The following CADPS variants were observed in gnomAD, a reference collection of about 807,000 sequenced individuals.
The protein encoded by CADPS is calcium dependent secretion activator, also known as calcium-dependent secretion activator 1.
In CADPS, 57 loss-of-function variants were observed where a neutral mutation model predicts 167.3. That is an observed-to-expected ratio of 0.34 (90% CI 0.28 to 0.42). The LOEUF (loss-of-function observed/expected upper bound fraction) is 0.42, where lower values mean the gene tolerates loss of function less well. CADPS is among the 20% of genes least tolerant of loss of function. The probability of loss-of-function intolerance (pLI) is 1.00; values close to 1 mark genes in which losing one functional copy is unlikely to be tolerated. For synonymous variants in CADPS, 676 were observed against 635.3 expected (o/e 1.06, Z -0.96); for missense variants, 1,414 against 1,738.1 (o/e 0.81, Z 3.32).
At chr3:62,815,861 GAAGGA>G (rs2094588397) in intron 1 of CADPS, among the ~76,000 whole-genome samples, 1 of 152,114 alleles carries the variant, frequency 6.6e-6, no homozygotes, top group Non-Finnish European at 1.5e-5. Context: ...TTACTTAAAA[GAAGGA>G]AAGATGAGTA....
chr3:62,798,884 G>A (rs1396491806), intron 1 of CADPS, among the ~76,000 whole-genome samples: 7 of 152,168 alleles, frequency 4.6e-5, no homozygotes, highest in Admixed American at 4.6e-4. Context: ...AAGAATGAAT[G>A]ACCTGTATTG....
intron 4 of CADPS, among the ~76,000 whole-genome samples, chr3:62,656,984 C>T (rs1195480770): frequency 1.3e-5 from 2 of 152,148 alleles, no homozygotes; most frequent in Non-Finnish European, 2.9e-5. Context: ...TCCCTGCACA[C>T]ACATTTTGTT....
intron 28 of CADPS, among the ~76,000 whole-genome samples, chr3:62,431,320 G>A (rs992325753): frequency 6.6e-6 from 1 of 152,004 alleles, no homozygotes; most frequent in Non-Finnish European, 1.5e-5. Context: ...CCTTATTCCA[G>A]TAGTTAAAAT....
chr3:62,440,495 T>TTC (rs2056091598), intron 27 of CADPS: 2 of 128,496 alleles, frequency 1.6e-5, no homozygotes, highest in Admixed American at 8.1e-5. Context: ...TTACTATGAT[T>TTC]CCCCCCCCCC....
intron 11 of CADPS, among the ~76,000 whole-genome samples, chr3:62,542,176 G>T (rs1027124055): frequency 6.6e-6 from 1 of 152,120 alleles, no homozygotes; most frequent in Non-Finnish European, 1.5e-5. Flanking sequence ...ATAAGCTAGA[G>T]GTAGCTGTTT....
Position 62,501,013 on chromosome 3 carries a change from G to C in CADPS, c.2600-1745C>G, listed in dbSNP as rs140134848. On this transcript the variant is annotated intron_variant, in intron 17 of 29. Coordinates refer to ENST00000383710, the MANE Select transcript of CADPS (RefSeq NM_003716.4). ...AAAGTCTCAGTCTAACAGGGCCTGA[G>C]GGCTAGTGTGAAAATGGGCTTCCTG... 2.3e-3 allele frequency among the ~76,000 whole-genome samples: 352 copies of C among 152,286 alleles called. 1 individual carries two copies. Among genetic ancestry groups the C allele is most frequent in the African/African-American group, 7.8e-3 (324 of 41,556 alleles).
chr3:62,517,069 A>G (rs1184590860), intron 14 of CADPS, among the ~76,000 whole-genome samples: 3 of 152,206 alleles, frequency 2.0e-5, no homozygotes, highest in Non-Finnish European at 4.4e-5. Flanking sequence ...AAGTGGATTT[A>G]GAGCAAATTC....
chr3:62,637,639 C>G (rs112261873), intron 6 of CADPS, among the ~76,000 whole-genome samples: 3 of 152,238 alleles, frequency 2.0e-5, no homozygotes, highest in African/African-American at 4.8e-5. Flanking sequence ...AGGAAATGCA[C>G]GCTTTTAGAT....
intron 3 of CADPS, among the ~76,000 whole-genome samples, chr3:62,682,155 C>G (rs2077241020): frequency 6.6e-6 from 1 of 152,026 alleles, no homozygotes; most frequent in African/African-American, 2.4e-5. Flanking sequence ...AATTGGAATC[C>G]TACTTCACAG....
chr3:62,810,489 G>C (rs2094342578), intron 1 of CADPS, among the ~76,000 whole-genome samples: 2 of 152,094 alleles, frequency 1.3e-5, no homozygotes, highest in South Asian at 4.2e-4. Context: ...AAAATCATTG[G>C]GGAAATTCTC....
In CADPS at chr3:62,587,285, C is replaced by T. The variant is rs185989733; in HGVS notation, c.1438-1961G>A. 1.5e-3 allele frequency among the ~76,000 whole-genome samples: 228 copies of T among 152,326 alleles called. 1 individual carries two copies. The highest frequency in any genetic ancestry group is 2.9e-3 in the Non-Finnish European group (196 of 68,034). ...TCACTTAACTGGCACCAGAGAACTG[C>T]AACATATCATAGGACAGATGCTGGG... On this transcript the variant is annotated intron_variant, in intron 7 of 29. Transcript: ENST00000383710.
chr3:62,549,249 C>T (rs1166357013), intron 11 of CADPS, among the ~76,000 whole-genome samples: 2 of 152,004 alleles, frequency 1.3e-5, no homozygotes, highest in Non-Finnish European at 2.9e-5. Context: ...TTCACCTCAC[C>T]CTGTGTATCA....
intron 3 of CADPS, among the ~76,000 whole-genome samples, chr3:62,677,845 C>T (rs541912586): frequency 6.6e-6 from 1 of 152,108 alleles, no homozygotes; most frequent in African/African-American, 2.4e-5. Context: ...TTTGACAGTT[C>T]ATATGTGGTG....
chr3:62,746,538 A>G (rs764932399), intron 3 of CADPS, among the ~76,000 whole-genome samples: 2 of 152,060 alleles, frequency 1.3e-5, no homozygotes, highest in African/African-American at 4.8e-5. Flanking sequence ...GAGTCTCCCT[A>G]TGTTTCTCAG....
chr3:62,632,953 A>G (rs1021488824), intron 6 of CADPS, among the ~76,000 whole-genome samples: 4 of 152,092 alleles, frequency 2.6e-5, no homozygotes, highest in African/African-American at 9.7e-5. Flanking sequence ...TACATCCACT[A>G]CCCACATGGT....
intron 6 of CADPS, among the ~76,000 whole-genome samples, chr3:62,604,868 T>C (rs1407531065): frequency 1.3e-5 from 2 of 152,230 alleles, no homozygotes; most frequent in African/African-American, 2.4e-5. Flanking sequence ...ATGGCAGACA[T>C]AAAAAGGAGC....
intron 13 of CADPS, among the ~76,000 whole-genome samples, chr3:62,525,455 G>A (rs779830521): frequency 1.3e-5 from 2 of 152,094 alleles, no homozygotes; most frequent in Non-Finnish European, 2.9e-5. Context: ...GAATTGGAAG[G>A]CCAGCCAGCA....
intron 21 of CADPS, among the ~76,000 whole-genome samples, chr3:62,488,576 T>C (rs1413634923): frequency 6.6e-6 from 1 of 152,140 alleles, no homozygotes; most frequent in Non-Finnish European, 1.5e-5. Flanking sequence ...CACTGTAACC[T>C]TGAACTCCTG....
chr3:62,614,799 G>A (rs1041563308), intron 6 of CADPS, among the ~76,000 whole-genome samples: 1 of 152,166 alleles, frequency 6.6e-6, no homozygotes, highest in Non-Finnish European at 1.5e-5. Context: ...GTCTATACAG[G>A]TGTGGCAAAA....
Sources: gnomAD v4.1 joint callset for allele counts (sites outside exome capture counted in the v4.1 genomes callset) on GRCh38, gnomAD v4.1.1 for gene constraint, MANE v1.5 for transcripts, NCBI Gene and HGNC (gene_info 2026-07-23, HGNC 2026-07-21) for gene names.